SIGLEC15: variants seen among roughly 807,000 people sequenced by gnomAD.
The protein encoded by SIGLEC15 is sialic acid binding Ig like lectin 15, also known as sialic acid-binding Ig-like lectin 15.
A neutral mutation model predicts 26.2 loss-of-function variants in SIGLEC15; 31 were observed. That is an observed-to-expected ratio of 1.18 (90% CI 0.89 to 1.60). The LOEUF (loss-of-function observed/expected upper bound fraction) is 1.60. Ranked by LOEUF, SIGLEC15 falls within the 40% of genes most tolerant of loss-of-function variation. SIGLEC15 has a pLI of 0.00. For missense variants in SIGLEC15, 501 were observed against 488.4 expected (o/e 1.03, Z -0.24); for synonymous variants, 207 against 221.9 (o/e 0.93, Z 0.60).
Position 45,837,665 on chromosome 18 carries a change from G to A in SIGLEC15, c.265G>A (p.Gly89Ser). The part of the protein sequence containing the change: ...AIWRAGEPYA[G>S]PQVFRCAAAR... ...CTGGCGCGCGGGCGAGCCCTATGCG[G>A]GCCCGCAGGTGTTCCGCTGCGCTGC... The change falls in exon 3 of 6, where the codon GGC becomes AGC. Residue 89 changes from glycine to serine, a missense_variant. By Grantham distance (56) the Gly-to-Ser change is moderately conservative. Coordinates refer to ENST00000389474, the MANE Select transcript of SIGLEC15 (RefSeq NM_213602.3). 1 of 1,497,348 alleles carries A rather than the reference G, an allele frequency of 6.7e-7. No individual in the cohort carries two copies. Among genetic ancestry groups the A allele is most frequent in the Non-Finnish European group, 8.8e-7 (1 of 1,131,656 alleles). 92.8% of individuals were successfully genotyped at this position (1,497,348 alleles called of 1,614,324 possible).
At chr18:45,835,551 G>A (rs1157054796) in intron 1 of SIGLEC15, among the ~76,000 whole-genome samples, 2 of 152,178 alleles carry the variant, frequency 1.3e-5, no homozygotes, top group East Asian at 3.8e-4. Flanking sequence ...AACTGGTGCT[G>A]ATCTCATTTC....
rs753931063 is a variant in SIGLEC15, at chr18:45,825,709, G to A, written c.-20G>A. 2 of 1,614,126 alleles carry A rather than the reference G, an allele frequency of 1.2e-6. No homozygotes were observed. The highest frequency in any genetic ancestry group is 1.1e-5 in the South Asian group (1 of 91,080). On this transcript the variant is annotated 5_prime_UTR_variant, in exon 1 of 6. Transcript: ENST00000389474. ...GTGGCCGAGAGCGGGTCTGGCCTGG[G>A]GTGTTCAGATGCTCACAGCATGGAA...
Position 45,838,875 on chromosome 18 carries a change from C to A in SIGLEC15, c.654C>A (p.His218Gln). Residue 218 changes from histidine (H) to glutamine (Q), a missense_variant, in exon 4 of 6, where the codon CAC becomes CAA. Physicochemically the swap from His to Gln is conservative, Grantham distance 24. Coordinates refer to ENST00000389474, the MANE Select transcript of SIGLEC15 (RefSeq NM_213602.3). ...CCGTGCGGAGCCCGCGTGAGGGTCA[C>A]GGCCACCTAGTGACCGCCGAACTGC... ...LAAVRSPREG[H>Q]GHLVTAELPA... The A allele has an allele frequency of 6.3e-7, 1 of 1,589,294 alleles. No homozygotes were observed. Among genetic ancestry groups the A allele is most frequent in the Non-Finnish European group, 8.5e-7 (1 of 1,172,432 alleles).
At position 45,839,687 on chromosome 18, in the gene SIGLEC15, T is replaced by C. The variant is rs565017755; in HGVS notation, c.875-524T>C. Among the ~76,000 whole-genome samples, 27 of 152,048 alleles carry C rather than the reference T, an allele frequency of 1.8e-4. No individual in the cohort carries two copies. The East Asian group carries it at 3.1e-3, about 17-fold the overall frequency. On this transcript the variant is annotated intron_variant, in intron 4 of 5. Coordinates refer to ENST00000389474, the MANE Select transcript of SIGLEC15 (RefSeq NM_213602.3). ...GGAGAGCTAAATAAAAATATGTAAG[T>C]AGGCATGAGCTAGGAAAACAAGGAG...
rs1732774186 is a variant in SIGLEC15 at position 45,837,504 on chromosome 18, C to T, written c.113-9C>T. On this transcript the variant is annotated splice_polypyrimidine_tract_variant and intron_variant, in intron 2 of 5. Transcript: ENST00000389474. ...GCCCCGAGCCTGACGCAGCCCGCCC[C>T]GCCCTCAGGCTCGCCAGCGCAGCGC... 1.4e-6 allele frequency: 2 copies of T among 1,480,614 alleles called. No individual in the cohort carries two copies. The highest frequency in any genetic ancestry group is 2.5e-5 in the Admixed American group (1 of 40,192). The allele number at this position is 1,480,614 out of a possible 1,614,324, so 91.7% of individuals were successfully genotyped here.
At chr18:45,838,626 C>A in intron 3 of SIGLEC15, 92 bp from the exon 4 acceptor site, 1 of 1,427,700 alleles carries the variant, frequency 7.0e-7, no homozygotes, top group Non-Finnish European at 9.1e-7. Context: ...CCATTCCTCC[C>A]TTCTGACCAG....
intron 1 of SIGLEC15, among the ~76,000 whole-genome samples, chr18:45,827,558 T>A (rs548352361): frequency 5.3e-4 from 80 of 152,330 alleles, no homozygotes; most frequent in Non-Finnish European, 5.9e-4. Context: ...CCACCTCTGC[T>A]GTTTGCTGTT....
In SIGLEC15 at chr18:45,842,384, C is replaced by G; in HGVS notation, c.*197C>G. ...TATGTGGACAACCATTTCGGAGCTC[C>G]CTGATATTTTTGCCAGCATTTCGTA... On this transcript the variant is annotated 3_prime_UTR_variant, in exon 6 of 6. Coordinates refer to ENST00000389474, the MANE Select transcript of SIGLEC15 (RefSeq NM_213602.3). 1 of 592,964 alleles carries G rather than the reference C, an allele frequency of 1.7e-6. No homozygotes were observed. The highest frequency in any genetic ancestry group is 3.0e-6 in the Non-Finnish European group (1 of 333,326). The allele number at this position is 592,964 out of a possible 1,614,324, so 36.7% of individuals were successfully genotyped here.
chr18:45,841,829 C>G (rs907269133), intron 5 of SIGLEC15, among the ~76,000 whole-genome samples: 1 of 152,128 alleles, frequency 6.6e-6, no homozygotes, highest in East Asian at 1.9e-4. Flanking sequence ...GAGGCCAGGC[C>G]GGAGATTCCG....
At chr18:45,836,525 A>G (rs140574677) in intron 1 of SIGLEC15, among the ~76,000 whole-genome samples, 40 of 152,040 alleles carry the variant, frequency 2.6e-4, no homozygotes, top group Admixed American at 5.9e-4. Flanking sequence ...GCAACCACAC[A>G]CACCCTGCAG....
At chr18:45,830,474 TGGG>T (rs2048225043) in intron 1 of SIGLEC15, among the ~76,000 whole-genome samples, 1 of 152,154 alleles carries the variant, frequency 6.6e-6, no homozygotes, top group Non-Finnish European at 1.5e-5. Context: ...AAGGGAGCTA[TGGG>T]GGGAATTTCG....
chr18:45,826,157 C>A (rs916578192), intron 1 of SIGLEC15, among the ~76,000 whole-genome samples: 15 of 151,934 alleles, frequency 9.9e-5, no homozygotes, highest in African/African-American at 3.6e-4. Context: ...TTGATGGGCA[C>A]AGCCTGAGGA....
At chr18:45,842,000 G>C in intron 5 of SIGLEC15, 106 bp from the exon 6 acceptor site, 1 of 1,048,506 alleles carries the variant, frequency 9.5e-7, no homozygotes, top group Non-Finnish European at 1.5e-6. Context: ...CAGCCGCACT[G>C]CTCCCCAGAA....
At chr18:45,828,550 C>T (rs564025904) in intron 1 of SIGLEC15, among the ~76,000 whole-genome samples, 1 of 152,298 alleles carries the variant, frequency 6.6e-6, no homozygotes, top group East Asian at 1.9e-4. Flanking sequence ...GATATCACAA[C>T]CACAACCACT....
rs770737216 is a variant in SIGLEC15, at chr18:45,837,897, GC to G, written c.496+2del. 7.3e-6 allele frequency: 11 copies of G among 1,504,128 alleles called. No homozygotes were observed. The South Asian group carries it at 1.1e-4, about 15-fold the overall frequency. 93.2% of individuals were successfully genotyped at this position (1,504,128 alleles called of 1,614,324 possible). A position where few individuals can be genotyped will look rare whatever the true frequency, so the allele number is the denominator to read the frequency against. On this transcript the variant is annotated splice_donor_variant, in intron 3 of 5. Transcript: ENST00000389474. LOFTEE classifies it high-confidence loss of function. ...CACGGCGTCCGGCTGCACGTGACAG[GC>G]GAGGCGGCGTGGGAGCGGGTCCCCG... is the stretch of plus-strand genomic sequence containing the variant.
chr18:45,829,290 A>G (rs2145029718), intron 1 of SIGLEC15: 1 of 341,496 alleles, frequency 2.9e-6, no homozygotes, highest in Non-Finnish European at 4.1e-6. Context: ...CCTTTCACTC[A>G]CTACTCACAC....
At chr18:45,831,831 G>A (rs989072287) in intron 1 of SIGLEC15, among the ~76,000 whole-genome samples, 4 of 151,322 alleles carry the variant, frequency 2.6e-5, no homozygotes, top group East Asian at 1.9e-4. Flanking sequence ...TCCGCCTCCC[G>A]GGTTCAAGCG....
Position 45,839,061 on chromosome 18 carries a change from G to A in SIGLEC15, c.840G>A (p.Gly280=). ...ALGFKALLLL[G]VLAARAARRR... Reference sequence around the variant, plus strand: ...GCTTCAAGGCGCTGCTGCTGCTCGGGGTCCTGGCCGCCCGCGCTGCCCGCC... The same window carrying A: ...GCTTCAAGGCGCTGCTGCTGCTCGGAGTCCTGGCCGCCCGCGCTGCCCGCC... The change falls in exon 4 of 6, where the codon GGG becomes GGA. Residue 280 remains glycine (G), a synonymous_variant. Transcript: ENST00000389474. 2 of 1,483,614 alleles carry A rather than the reference G, an allele frequency of 1.3e-6. No homozygotes were observed. The highest frequency in any genetic ancestry group is 1.3e-5 in the South Asian group (1 of 75,938). 91.9% of individuals were successfully genotyped at this position (1,483,614 alleles called of 1,614,324 possible).
intron 1 of SIGLEC15, among the ~76,000 whole-genome samples, chr18:45,828,127 A>C (rs1314488868): frequency 6.6e-6 from 1 of 152,136 alleles, no homozygotes; most frequent in Non-Finnish European, 1.5e-5. Context: ...CCTGGGCAGG[A>C]GGCCCGAGGA....
Sources: gnomAD v4.1 joint callset for allele counts (sites outside exome capture counted in the v4.1 genomes callset) on GRCh38, gnomAD v4.1.1 for gene constraint, MANE v1.5 for transcripts, NCBI Gene and HGNC (gene_info 2026-07-23, HGNC 2026-07-21) for gene names.